STX12: variants seen among roughly 807,000 people sequenced by gnomAD.
The protein encoded by STX12 is syntaxin-12.
In STX12, 17 loss-of-function variants were observed where a neutral mutation model predicts 42.2. The ratio of observed to expected loss-of-function variants is 0.40; its 90% CI spans 0.28 to 0.60. STX12 has a LOEUF of 0.60. STX12 is among the 20% of genes least tolerant of loss of function. The pLI, the probability that STX12 is intolerant of heterozygous loss-of-function variation, is 0.39. For synonymous variants in STX12, 108 were observed against 116.7 expected (o/e 0.93, Z 0.48); for missense variants, 297 against 330.9 (o/e 0.90, Z 0.79).
intron 2 of STX12, among the ~76,000 whole-genome samples, chr1:27,792,235 T>C (rs1482417542): frequency 5.9e-5 from 8 of 136,484 alleles, no homozygotes; most frequent in Non-Finnish European, 1.1e-4. Flanking sequence ...TATATACATA[T>C]ATATGTATCT....
intron 6 of STX12, among the ~76,000 whole-genome samples, chr1:27,812,503 G>A (rs1304816274): frequency 2.0e-5 from 3 of 151,448 alleles, no homozygotes; most frequent in Admixed American, 6.6e-5. Flanking sequence ...GTGCAGTGGT[G>A]TGATCTTGGC....
At chr1:27,810,712 A>G (rs1456716253) in intron 5 of STX12, among the ~76,000 whole-genome samples, 1 of 152,326 alleles carries the variant, frequency 6.6e-6, no homozygotes, top group East Asian at 1.9e-4. Context: ...AAACCAGACA[A>G]TTTGTATCTG....
intron 4 of STX12, 46 bp from the exon 5 acceptor site, chr1:27,810,200 G>T: frequency 6.3e-7 from 1 of 1,588,528 alleles, no homozygotes; most frequent in Non-Finnish European, 8.6e-7. Context: ...GTGTGTCTGT[G>T]ATGTGTTTCT....
At chr1:27,794,467 T>C (rs1223069410) in intron 3 of STX12, among the ~76,000 whole-genome samples, 1 of 152,232 alleles carries the variant, frequency 6.6e-6, no homozygotes, top group Admixed American at 6.5e-5. Context: ...AAAAGGGTTC[T>C]CTTTTCAAGT....
Position 27,793,536 on chromosome 1 carries a change from A to G in STX12, c.192A>G (p.Gln64=). The part of the protein sequence containing the change: ...QDSSKLQENL[Q]QLQHSTNQLA... ...AAACATATCTTTTCTCTCTTAGGCA[A>G]CAGTTACAACACTCCACAAATCAGC... is the stretch of plus-strand genomic sequence containing the variant. The change falls in exon 3 of 9, where the codon CAA becomes CAG. Residue 64 remains glutamine (Q), a synonymous_variant. Coordinates refer to ENST00000373943, the MANE Select transcript of STX12 (RefSeq NM_177424.3). 1 of 1,613,806 alleles carries G rather than the reference A, an allele frequency of 6.2e-7. No homozygotes were observed. The highest frequency in any genetic ancestry group is 8.5e-7 in the Non-Finnish European group (1 of 1,179,724).
At chr1:27,820,216 G>GT (rs2088975274) in intron 8 of STX12, 1 of 152,240 alleles carries the variant, frequency 6.6e-6, no homozygotes, top group African/African-American at 2.4e-5. Flanking sequence ...TGAAACTCTG[G>GT]TTTTTTTACT....
At chr1:27,822,181 C>T (rs763446043) in intron 8 of STX12, 50 bp from the exon 9 acceptor site, 9 of 1,164,634 alleles carry the variant, frequency 7.7e-6, no homozygotes, top group Non-Finnish European at 1.2e-5. Flanking sequence ...CTTACACATA[C>T]AAATTTTACT....
chr1:27,803,386 A>C (rs1250377896), intron 4 of STX12, among the ~76,000 whole-genome samples: 1 of 152,246 alleles, frequency 6.6e-6, no homozygotes, highest in Non-Finnish European at 1.5e-5. Flanking sequence ...TCTCAACAAC[A>C]GTGGAAGCCA....
At chr1:27,793,670 CT>C (rs759613074) in intron 3 of STX12, 38 bp downstream of exon 3, 29 of 1,557,384 alleles carry the variant, frequency 1.9e-5, no homozygotes, top group Non-Finnish European at 2.4e-5. Context: ...TAGGAAAGGA[CT>C]TTGTGTTAGT....
intron 3 of STX12, among the ~76,000 whole-genome samples, chr1:27,793,901 A>C (rs559649204): frequency 6.6e-6 from 1 of 152,192 alleles, no homozygotes; most frequent in African/African-American, 2.4e-5. Flanking sequence ...ATATATTAAT[A>C]AAATGGAGTT....
At chr1:27,808,926 A>G (rs1046902325) in intron 4 of STX12, among the ~76,000 whole-genome samples, 2 of 152,218 alleles carry the variant, frequency 1.3e-5, no homozygotes, top group Admixed American at 6.5e-5. Context: ...CAAAGAGGAG[A>G]CTATGATAAA....
At chr1:27,773,487 G>T in intron 1 of STX12, 62 bp downstream of exon 1, 1 of 1,511,104 alleles carries the variant, frequency 6.6e-7, no homozygotes, top group Non-Finnish European at 9.2e-7. Flanking sequence ...GGGTGAGGCT[G>T]CCGGGACGCA....
Position 27,816,620 on chromosome 1 carries a change from A to G in STX12, c.577-1231A>G, listed in dbSNP as rs939066331. 6.5e-3 allele frequency among the ~76,000 whole-genome samples: 868 copies of G among 134,364 alleles called. 11 individuals are homozygous for G. Among genetic ancestry groups the G allele is most frequent in the African/African-American group, 0.022 (819 of 36,952 alleles). The allele number at this position is 134,364 out of a possible 152,430, so 88.1% of individuals were successfully genotyped here. A position where few individuals can be genotyped will look rare whatever the true frequency, so the allele number is the denominator to read the frequency against. ...GGGAGGGAGGGAGGGATAGAGAGAG[A>G]AGGGAGGGAGGGAGGGAGGCCAGGC... On this transcript the variant is annotated intron_variant, in intron 6 of 8. Transcript: ENST00000373943.
intron 1 of STX12, 95 bp from the exon 2 acceptor site, chr1:27,789,467 T>C (rs1275759611): frequency 8.0e-6 from 7 of 879,876 alleles, no homozygotes; most frequent in African/African-American, 6.8e-5. Context: ...TTAATACTTA[T>C]TCTGAATGGG....
rs1415671227 is a variant in STX12 at position 27,773,373 on chromosome 1, C to A, written c.66C>A (p.Phe22Leu). 1 of 1,613,708 alleles carries A rather than the reference C, an allele frequency of 6.2e-7. No homozygotes were observed. The highest frequency in any genetic ancestry group is 1.3e-5 in the African/African-American group (1 of 74,938). Residue 22 changes from phenylalanine (F) to leucine (L), a missense_variant, in exon 1 of 9, where the codon TTC becomes TTA. Transcript: ENST00000373943. ...PGPSGPQLRD[F>L]SSIIQTCSGN... is the part of the protein sequence containing the mutation. ...CCTCGGGGCCCCAGCTCCGGGACTT[C>A]AGCAGCATCATCCAGACGTGCAGCG... is the stretch of plus-strand genomic sequence containing the variant.
intron 4 of STX12, among the ~76,000 whole-genome samples, chr1:27,807,523 A>G (rs2088871478): frequency 6.6e-6 from 1 of 152,236 alleles, no homozygotes. Flanking sequence ...CATGCCCACC[A>G]GGAGGGCAGA....
intron 1 of STX12, among the ~76,000 whole-genome samples, chr1:27,779,384 A>G (rs1034662301): frequency 2.0e-5 from 3 of 148,234 alleles, no homozygotes; most frequent in Non-Finnish European, 4.4e-5. Context: ...CCCAGGCTGG[A>G]GTGCCATGGC....
intron 2 of STX12, among the ~76,000 whole-genome samples, chr1:27,792,120 A>ATATATATATATG (rs2088746799): frequency 7.3e-6 from 1 of 136,252 alleles, no homozygotes; most frequent in African/African-American, 2.9e-5. Flanking sequence ...TAAATATATA[A>ATATATATATATG]TATATATCTA....
chr1:27,784,343 C>T (rs1419923340), intron 1 of STX12, among the ~76,000 whole-genome samples: 1 of 152,164 alleles, frequency 6.6e-6, no homozygotes, highest in Non-Finnish European at 1.5e-5. Context: ...CTCTCAGCCT[C>T]TTGAGTAGCC....
Sources: allele counts gnomAD v4.1 joint callset (sites outside exome capture counted in the v4.1 genomes callset), GRCh38; gene constraint gnomAD v4.1.1; transcripts MANE v1.5; gene names NCBI Gene and HGNC (gene_info 2026-07-23, HGNC 2026-07-21).